RIF1: variants seen among roughly 807,000 people sequenced by gnomAD.
RIF1 encodes replication timing regulatory factor 1, also known as telomere-associated protein RIF1.
RIF1 carries 45 observed loss-of-function variants against 247.1 expected under a neutral mutation model. That is an observed-to-expected ratio of 0.18 (90% confidence interval 0.14 to 0.23). The LOEUF (loss-of-function observed/expected upper bound fraction) is 0.23, where lower values mean the gene tolerates loss of function less well. RIF1 is among the 10% of genes least tolerant of loss of function. The pLI, the probability that RIF1 is intolerant of heterozygous loss-of-function variation, is 1.00. For missense variants in RIF1, 2,967 were observed against 2,862.5 expected, an observed-to-expected ratio of 1.04 and a Z score of -0.83; for synonymous variants, 1,087 against 978.8, an observed-to-expected ratio of 1.11 and a Z score of -2.06.
chr2:151,475,481 TGTTG>T lies in RIF1; in HGVS notation c.*414_*417del, dbSNP rs372957656. The T allele has an allele frequency of 0.029, 5,214 of 178,066 alleles. 150 individuals carry two copies. The highest frequency in any genetic ancestry group is 0.14 in the East Asian group (781 of 5,616). 11.0% of individuals were successfully genotyped at this position (178,066 alleles called of 1,614,324 possible). On this transcript the variant is annotated 3_prime_UTR_variant, in exon 36 of 36. Transcript: ENST00000444746. The stretch of plus-strand genomic sequence containing the variant: ...TGATAAAGGTGTTTATATTTTTGTT[TGTTG>T]GTTTGTTTAATTCATGTTTGTTGGG...
At position 151,422,981 on chromosome 2, in the gene RIF1, T is replaced by G; in HGVS notation, c.725T>G (p.Met242Arg). Residue 242 changes from methionine (M) to arginine (R), a missense_variant, in exon 8 of 36, where the codon ATG becomes AGG. Met to Arg is a moderately conservative substitution (Grantham distance 91). Transcript: ENST00000444746. ...ATCTCAGAACTTCAGAAGCTATTTA[T>G]GAGTAAAAATGAGACTTACGTGTTA... is the stretch of plus-strand genomic sequence containing the variant. ...KLISELQKLF[M>R]SKNETYVLKL... 1 of 1,590,766 alleles carries G rather than the reference T, an allele frequency of 6.3e-7. No individual in the cohort carries two copies. Among genetic ancestry groups the G allele is most frequent in the East Asian group, 2.2e-5 (1 of 44,646 alleles).
At chr2:151,458,039 A>G in intron 24 of RIF1, 76 bp downstream of exon 24, 4 of 1,005,904 alleles carry the variant, frequency 4.0e-6, no homozygotes, top group Non-Finnish European at 6.0e-6. Context: ...GATTCAAATA[A>G]TCTTTTCTTA....
downstream of RIF1, among the ~76,000 whole-genome samples, chr2:151,511,944 G>A (rs2074719431): frequency 1.3e-5 from 2 of 148,458 alleles, no homozygotes. Context: ...ATTACAAGTT[G>A]TACCATGTTC....
In RIF1 at chr2:151,466,056, C is replaced by T. The variant is rs775250460; in HGVS notation, c.6536C>T (p.Thr2179Met). Residue 2179 changes from threonine to methionine, a missense_variant, in exon 30 of 36, where the codon ACG (threonine) becomes ATG (methionine). Physicochemically the swap from Thr to Met is moderately conservative, Grantham distance 81. Coordinates refer to ENST00000444746, the MANE Select transcript of RIF1 (RefSeq NM_018151.5). The stretch of plus-strand genomic sequence containing the variant: ...TGGTCTCCTTTGGCTTCTCCGTCTA[C>T]GAGCATTTTAAAGAGAGGACTAAAA... ...CVWSPLASPSTSILKRGLKRS... is the reference protein window; with the variant it reads ...CVWSPLASPSMSILKRGLKRS... The T allele has an allele frequency of 8.7e-6, 14 of 1,611,708 alleles. No homozygotes were observed. In the East Asian group the frequency reaches 8.9e-5, roughly 10 times the overall value.
rs1302281148 is a variant in RIF1, at chr2:151,412,284, T to A, written c.183+946T>A. Among the ~76,000 whole-genome samples, 4 of 142,528 alleles carry A rather than the reference T, an allele frequency of 2.8e-5. No individual in the cohort carries two copies. The East Asian group carries it at 8.6e-4, about 31-fold the overall frequency. 93.5% of individuals were successfully genotyped at this position (142,528 alleles called of 152,430 possible). A position where few individuals can be genotyped will look rare whatever the true frequency, so the allele number is the denominator to read the frequency against. On this transcript the variant is annotated intron_variant, in intron 3 of 35. Transcript: ENST00000444746. ...AGTTTGAGTTCTCATTTTTATGACC[T>A]TGTTCTCTTTTTTTAATTTTTTTTG...
chr2:151,485,911 T>C, downstream of RIF1: 2 of 1,613,818 alleles, frequency 1.2e-6, no homozygotes, highest in Non-Finnish European at 1.7e-6. Flanking sequence ...AGCCATATAG[T>C]CATACATGGC....
At chr2:151,513,588 C>T in the RIF1 span, 1 of 1,604,450 alleles carries the variant, frequency 6.2e-7, no homozygotes, top group Non-Finnish European at 8.5e-7. Context: ...ACCTGACTGG[C>T]AATATCAGTA....
chr2:151,509,182 T>C (rs560665343), downstream of RIF1, among the ~76,000 whole-genome samples: 1 of 152,312 alleles, frequency 6.6e-6, no homozygotes, highest in Non-Finnish European at 1.5e-5. Context: ...TTTCAGCCAA[T>C]GAGAGATGTA....
At chr2:151,512,018 TC>T (rs1401448877), downstream of RIF1, among the ~76,000 whole-genome samples, 77 of 119,736 alleles carry the variant, frequency 6.4e-4, no homozygotes, top group Admixed American at 4.0e-3. Flanking sequence ...ACCCTCTCAC[TC>T]TTTTTTTTTT....
exon 14 of RIF1, chr2:151,507,745 C>T: frequency 1.3e-5 from 5 of 394,674 alleles, no homozygotes; most frequent in Non-Finnish European, 1.4e-5. Context: ...TCGCCATGAA[C>T]CTTGCCATGG....
At chr2:151,493,711 TG>T (rs1216651135) in intron 9 of RIF1, 3 of 1,206,458 alleles carry the variant, frequency 2.5e-6, no homozygotes, top group African/African-American at 3.1e-5. Context: ...GATAAATTAG[TG>T]GTACAACCAT....
chr2:151,507,242 G>T, intron 13 of RIF1: 1 of 433,246 alleles, frequency 2.3e-6, no homozygotes, highest in South Asian at 3.0e-5. Context: ...AGTATCCCTT[G>T]CTTAGTAGAT....
chr2:151,504,818 G>A (rs1416074251), intron 12 of RIF1, among the ~76,000 whole-genome samples: 1 of 152,098 alleles, frequency 6.6e-6, no homozygotes, highest in Non-Finnish European at 1.5e-5. Flanking sequence ...CAGGTGTGGG[G>A]GACACGTGCC....
intron 23 of RIF1, among the ~76,000 whole-genome samples, chr2:151,457,317 T>G (rs954978463): frequency 5.3e-5 from 8 of 152,066 alleles, no homozygotes; most frequent in Admixed American, 2.0e-4. Context: ...GAGGCGGGGT[T>G]TTGCCATGTT....
rs373572044 is a variant in RIF1, at chr2:151,472,190, T to A, written c.7096-1774T>A. ...TCTGTTTGTCTGTTATTGATGTATATGAATGCTTGTGATTTTTGCACATTG... is the reference window on the plus strand; with the variant it reads ...TCTGTTTGTCTGTTATTGATGTATAAGAATGCTTGTGATTTTTGCACATTG... On this transcript the variant is annotated intron_variant, in intron 34 of 35. Coordinates refer to ENST00000444746, the MANE Select transcript of RIF1 (RefSeq NM_018151.5). Among the ~76,000 whole-genome samples, 4 of 152,166 alleles carry A rather than the reference T, an allele frequency of 2.6e-5. No homozygotes were observed. The South Asian group carries it at 8.3e-4, about 32-fold the overall frequency.
At position 151,465,892 on chromosome 2, in the gene RIF1, ACAGTGT is replaced by A; in HGVS notation, c.6374_6379del (p.Gln2125_Cys2126del). The A allele has an allele frequency of 6.2e-7, 1 of 1,613,996 alleles. No individual in the cohort carries two copies. The highest frequency in any genetic ancestry group is 8.5e-7 in the Non-Finnish European group (1 of 1,179,848). ...CTTCACAGAAAGTGGAGGAACCATC[ACAGTGT>A]CTGGCATCTGGAACAGCTATCTCTG... On this transcript the variant is annotated inframe_deletion, in exon 30 of 36. Coordinates refer to ENST00000444746, the MANE Select transcript of RIF1 (RefSeq NM_018151.5).
At chr2:151,518,434 G>C in the RIF1 span, 1 of 1,549,964 alleles carries the variant, frequency 6.5e-7, no homozygotes, top group Non-Finnish European at 8.9e-7. Context: ...TGAGGGGAAG[G>C]CGGCAAAAAA....
chr2:151,513,754 T>A, the RIF1 span: 1 of 1,155,164 alleles, frequency 8.7e-7, no homozygotes, highest in Non-Finnish European at 1.3e-6. Context: ...GTAATAAACA[T>A]ACAGGGTGAA....
At chr2:151,431,430 A>T (rs1189738685) in intron 9 of RIF1, among the ~76,000 whole-genome samples, 1 of 152,218 alleles carries the variant, frequency 6.6e-6, no homozygotes, top group African/African-American at 2.4e-5. Flanking sequence ...TTTTAATTAA[A>T]GGAGATTGGT....
Sources: gnomAD v4.1 joint callset for allele counts (sites outside exome capture counted in the v4.1 genomes callset) on GRCh38, gnomAD v4.1.1 for gene constraint, MANE v1.5 for transcripts, NCBI Gene and HGNC (gene_info 2026-07-23, HGNC 2026-07-21) for gene names.